RUSF1: variants seen among roughly 807,000 people sequenced by gnomAD.
The protein encoded by RUSF1 is RUS family member 1.
In RUSF1, 58 loss-of-function variants were observed where a neutral mutation model predicts 63.0. That is an observed-to-expected ratio of 0.92 (90% CI 0.75 to 1.15). RUSF1 has a LOEUF of 1.15. RUSF1 is among the 50% of genes most tolerant of loss of function. The pLI is 0.00. For synonymous variants in RUSF1, 274 were observed against 255.8 expected (o/e 1.07, Z -0.68); for missense variants, 652 against 611.0 (o/e 1.07, Z -0.71).
chr16:31,499,409 T>A lies in RUSF1; in HGVS notation c.495-2A>T. The A allele has an allele frequency of 6.2e-7, 1 of 1,613,908 alleles. No homozygotes were observed. The highest frequency in any genetic ancestry group is 8.5e-7 in the Non-Finnish European group (1 of 1,179,936). On this transcript the variant is annotated splice_acceptor_variant, in intron 4 of 12. Transcript: ENST00000327237. LOFTEE classifies it high-confidence loss of function. ...TCATTGAGGATGTCCGCAAAAAGCC[T>A]GGGGAGGGATCAGAGGTTAGAGGTC...
Position 31,489,611 on chromosome 16 carries a change from A to G in RUSF1, c.*1224T>C. ...TTTGGGACTCAAAACACAGGATCTG[A>G]CTGGTGGGCACAATACCATCTTGAA... On this transcript the variant is annotated 3_prime_UTR_variant, in exon 13 of 13. Transcript: ENST00000327237. 1 of 569,806 alleles carries G rather than the reference A, an allele frequency of 1.8e-6. No individual in the cohort carries two copies. Among genetic ancestry groups the G allele is most frequent in the East Asian group, 3.0e-5 (1 of 33,440 alleles). 35.3% of individuals were successfully genotyped at this position (569,806 alleles called of 1,614,324 possible).
Position 31,491,978 on chromosome 16 carries a change from G to A in RUSF1, c.1309+31C>T, listed in dbSNP as rs1175907170. 4 of 1,612,430 alleles carry A rather than the reference G, an allele frequency of 2.5e-6. No individual in the cohort carries two copies. In the South Asian group the frequency reaches 4.4e-5, roughly 18 times the overall value. Reference sequence around the variant, plus strand: ...GGGCCCCCAGGGACAAGGCTTCAGGGGCCAAGCAGCCATGGGCTGAGGGAT... The same window carrying A: ...GGGCCCCCAGGGACAAGGCTTCAGGAGCCAAGCAGCCATGGGCTGAGGGAT... On this transcript the variant is annotated intron_variant, in intron 12 of 12. Transcript: ENST00000327237.
At position 31,490,111 on chromosome 16, in the gene RUSF1, G is replaced by A. The variant is rs369673274; in HGVS notation, c.*724C>T. On this transcript the variant is annotated 3_prime_UTR_variant, in exon 13 of 13. Coordinates refer to ENST00000327237, the MANE Select transcript of RUSF1 (RefSeq NM_022744.4). ...TGCTCCCACCCTCCCCAGCTCCACC[G>A]CCTGGTCTTCAGTCTCCGGCATAGC... 6.2e-6 allele frequency: 10 copies of A among 1,613,662 alleles called. No individual in the cohort carries two copies. In the African/African-American group the frequency reaches 9.3e-5, roughly 15 times the overall value.
chr16:31,493,000 G>A lies in RUSF1; in HGVS notation c.1065C>T (p.Leu355=). 1.2e-6 allele frequency: 2 copies of A among 1,613,330 alleles called. No homozygotes were observed. The highest frequency in any genetic ancestry group is 1.7e-6 in the Non-Finnish European group (2 of 1,179,484). Residue 355 remains leucine (L), a synonymous_variant, in exon 10 of 13, where the codon CTC becomes CTT. Transcript: ENST00000327237. The part of the protein sequence containing the change: ...QLVEGHQESY[L]LCWDQSQNQV... Reference sequence around the variant, plus strand: ...CACTTTGTGACTGGTCCCAGCAGAGGAGGTAGGATTCTTGGTGCCCCTCAA... The same window carrying A: ...CACTTTGTGACTGGTCCCAGCAGAGAAGGTAGGATTCTTGGTGCCCCTCAA...
Position 31,508,126 on chromosome 16 carries a change from G to A in RUSF1, c.248C>T (p.Pro83Leu). ...CAAGTAGTCCGGGCTGACGCTATCA[G>A]GGAAGCCCTGAGGCAGGAACACGGC... ...LQAVFLPQGF[P>L]DSVSPDYLPY... Residue 83 changes from proline (P) to leucine (L), a missense_variant, in exon 1 of 13, where the codon CCT (proline) becomes CTT (leucine). Pro to Leu is a moderately conservative substitution (Grantham distance 98). Coordinates refer to ENST00000327237, the MANE Select transcript of RUSF1 (RefSeq NM_022744.4). 1.9e-6 allele frequency: 3 copies of A among 1,602,300 alleles called. No homozygotes were observed. Among genetic ancestry groups the A allele is most frequent in the Non-Finnish European group, 2.6e-6 (3 of 1,175,010 alleles).
At chr16:31,499,609 A>G (rs2082622974) in intron 3 of RUSF1, 84 bp from the exon 4 acceptor site, 18 of 1,355,794 alleles carry the variant, frequency 1.3e-5, no homozygotes, top group South Asian at 1.3e-4. Flanking sequence ...GGACCACAGT[A>G]AAGTCTGAAG....
chr16:31,490,496 G>A lies in RUSF1; in HGVS notation c.*339C>T, dbSNP rs1354827186. On this transcript the variant is annotated 3_prime_UTR_variant, in exon 13 of 13. Coordinates refer to ENST00000327237, the MANE Select transcript of RUSF1 (RefSeq NM_022744.4). The stretch of plus-strand genomic sequence containing the variant: ...TGGTCAACCTCAATGCCCTGCTCAT[G>A]ATGGCAGTGGCCGTGTTCCTCTGGG... The A allele has an allele frequency of 6.2e-7, 1 of 1,613,688 alleles. No homozygotes were observed. Among genetic ancestry groups the A allele is most frequent in the African/African-American group, 1.3e-5 (1 of 74,940 alleles).
At position 31,489,731 on chromosome 16, in the gene RUSF1, T is replaced by G; in HGVS notation, c.*1104A>C. On this transcript the variant is annotated 3_prime_UTR_variant, in exon 13 of 13. Transcript: ENST00000327237. ...TGGGGTGAGGACAGGACAAGAGATC[T>G]GGGTGTGGAAGGATGGCCGGGTTTC... is the stretch of plus-strand genomic sequence containing the variant. 2.2e-6 allele frequency: 1 copy of G among 445,148 alleles called. No homozygotes were observed. The highest frequency in any genetic ancestry group is 4.2e-6 in the Non-Finnish European group (1 of 239,246). The allele number at this position is 445,148 out of a possible 1,614,324, so 27.6% of individuals were successfully genotyped here. A position where few individuals can be genotyped will look rare whatever the true frequency, so the allele number is the denominator to read the frequency against.
intron 12 of RUSF1, among the ~76,000 whole-genome samples, chr16:31,491,618 CTTTTTTTT>C (rs955069758): frequency 2.1e-4 from 26 of 123,000 alleles, no homozygotes; most frequent in Middle Eastern, 4.6e-3. Context: ...GCCCGACAGT[CTTTTTTTT>C]TTTTTTTTTT....
At chr16:31,503,662 C>A (rs182266032) in intron 2 of RUSF1, among the ~76,000 whole-genome samples, 74 of 152,212 alleles carry the variant, frequency 4.9e-4, no homozygotes, top group Admixed American at 3.1e-3. Context: ...CAATAACAAG[C>A]CTTTATTTAT....
intron 9 of RUSF1, 23 bp from the exon 10 acceptor site, chr16:31,493,071 G>T: frequency 6.2e-7 from 1 of 1,611,540 alleles, no homozygotes; most frequent in Non-Finnish European, 8.5e-7. Flanking sequence ...GGACAGTGCA[G>T]TGGGGGTGGA....
At position 31,508,257 on chromosome 16, in the gene RUSF1, C is replaced by G. The variant is rs2082673050; in HGVS notation, c.117G>C (p.Trp39Cys). The change falls in exon 1 of 13, where the codon TGG (tryptophan) becomes TGC (cysteine). Residue 39 changes from tryptophan (W) to cysteine (C), a missense_variant. By Grantham distance (215) the Trp-to-Cys change is radical. Transcript: ENST00000327237. ...DGSLQWEVGG[W>C]RWWGLSRAFT... Reference sequence around the variant, plus strand: ...AGGCCCTGGAGAGCCCCCACCAGCGCCAGCCCCCGACCTCCCACTGCAGGC... The same window carrying G: ...AGGCCCTGGAGAGCCCCCACCAGCGGCAGCCCCCGACCTCCCACTGCAGGC... 6.4e-7 allele frequency: 1 copy of G among 1,565,186 alleles called. No homozygotes were observed. Among genetic ancestry groups the G allele is most frequent in the Non-Finnish European group, 8.7e-7 (1 of 1,155,242 alleles).
At chr16:31,493,151 T>C in intron 9 of RUSF1, 103 bp from the exon 10 acceptor site, 1 of 1,212,318 alleles carries the variant, frequency 8.2e-7, no homozygotes. Flanking sequence ...GATCCAGGCT[T>C]CACTCAGGTC....
chr16:31,493,433 G>A (rs372663927), intron 9 of RUSF1, 34 bp downstream of exon 9: 30 of 1,568,002 alleles, frequency 1.9e-5, no homozygotes, highest in East Asian at 1.2e-4. Flanking sequence ...TGTGGGTGGC[G>A]GTGGTGACGA....
At chr16:31,492,929 G>T (rs777408640) in intron 10 of RUSF1, 49 bp downstream of exon 10, 1 of 1,551,634 alleles carries the variant, frequency 6.4e-7, no homozygotes, top group Non-Finnish European at 8.8e-7. Flanking sequence ...GGAATGAGAG[G>T]CTGACCTGGG....
chr16:31,490,517 C>A lies in RUSF1; in HGVS notation c.*318G>T. On this transcript the variant is annotated 3_prime_UTR_variant, in exon 13 of 13. Coordinates refer to ENST00000327237, the MANE Select transcript of RUSF1 (RefSeq NM_022744.4). Reference sequence around the variant, plus strand: ...TCATGATGGCAGTGGCCGTGTTCCTCTGGGGCTTCTATGCCTAAGACCAAC... The same window carrying A: ...TCATGATGGCAGTGGCCGTGTTCCTATGGGGCTTCTATGCCTAAGACCAAC... 1.2e-6 allele frequency: 2 copies of A among 1,612,656 alleles called. No homozygotes were observed. The highest frequency in any genetic ancestry group is 1.3e-5 in the African/African-American group (1 of 75,056).
At position 31,489,750 on chromosome 16, in the gene RUSF1, G is replaced by A. The variant is rs555490769; in HGVS notation, c.*1085C>T. ...GAGATCTGGGTGTGGAAGGATGGCC[G>A]GGTTTCTGCAGCAGCAGGAGGAAAG... On this transcript the variant is annotated 3_prime_UTR_variant, in exon 13 of 13. Transcript: ENST00000327237. 4.1e-5 allele frequency: 18 copies of A among 443,624 alleles called. No individual in the cohort carries two copies. The highest frequency in any genetic ancestry group is 2.9e-4 in the East Asian group (6 of 20,652). 27.5% of individuals were successfully genotyped at this position (443,624 alleles called of 1,614,324 possible).
intron 6 of RUSF1, among the ~76,000 whole-genome samples, chr16:31,494,245 G>A (rs2082590547): frequency 6.6e-6 from 1 of 151,900 alleles, no homozygotes; most frequent in South Asian, 2.1e-4. Context: ...ATTTGGTGGG[G>A]CATAGTGGCT....
rs186722666 is a variant in RUSF1, at chr16:31,507,488, T to C, written c.415+276A>G. Among the ~76,000 whole-genome samples, 8 of 152,204 alleles carry C rather than the reference T, an allele frequency of 5.3e-5. No individual in the cohort carries two copies. In the East Asian group the frequency reaches 1.4e-3, roughly 26 times the overall value. On this transcript the variant is annotated intron_variant, in intron 2 of 12. Transcript: ENST00000327237. The stretch of plus-strand genomic sequence containing the variant: ...CTTATGCAATCTTCCACAAAGAGAA[T>C]AGGGATAAAGGGGAGGGGACGGGAT...
Sources: gnomAD v4.1 joint callset for allele counts (sites outside exome capture counted in the v4.1 genomes callset) on GRCh38, gnomAD v4.1.1 for gene constraint, MANE v1.5 for transcripts, NCBI Gene and HGNC (gene_info 2026-07-23, HGNC 2026-07-21) for gene names.